KAT2B: variants seen among roughly 807,000 people sequenced by gnomAD.
KAT2B encodes histone acetyltransferase KAT2B.
In KAT2B, 36 loss-of-function variants were observed where a neutral mutation model predicts 105.9. That is an observed-to-expected ratio of 0.34 (90% CI 0.26 to 0.45). The LOEUF (loss-of-function observed/expected upper bound fraction) is 0.45. Among genes scored for constraint, KAT2B ranks in the 20% least tolerant of loss-of-function variants. The pLI is 1.00. For missense variants in KAT2B, 820 were observed against 1,021.6 expected (o/e 0.80, Z 2.69); for synonymous variants, 397 against 377.9 (o/e 1.05, Z -0.59).
chr3:20,100,187 G>A (rs911136580), intron 4 of KAT2B, among the ~76,000 whole-genome samples: 2 of 152,114 alleles, frequency 1.3e-5, no homozygotes, highest in African/African-American at 2.4e-5. Context: ...CTGTGTGTTT[G>A]GGGAAGAAAA....
At chr3:20,078,181 A>AAAAT (rs1323987537) in intron 2 of KAT2B, among the ~76,000 whole-genome samples, 2,422 of 151,704 alleles carry the variant, frequency 0.016, 61 homozygotes, top group African/African-American at 0.054. Flanking sequence ...CCCTGTCTCA[A>AAAAT]AAATAAATAA....
Position 20,100,689 on chromosome 3 carries a change from C to T in KAT2B, c.670-598C>T, listed in dbSNP as rs569997486. The stretch of plus-strand genomic sequence containing the variant: ...CTCTATTAAATAAGAATTCATTGCT[C>T]TTTTATTTGAAATTAGATGAGATGG... On this transcript the variant is annotated intron_variant, in intron 4 of 17. Transcript: ENST00000263754. 2.0e-5 allele frequency among the ~76,000 whole-genome samples: 3 copies of T among 152,082 alleles called. No individual in the cohort carries two copies. In the South Asian group the frequency reaches 6.2e-4, roughly 32 times the overall value.
chr3:20,119,642 A>C lies in KAT2B; in HGVS notation c.1195A>C (p.Thr399Pro), dbSNP rs1372684831. ...GGCTGGGACAATTTCATACAATTCA[A>C]CCTCATCTTCCCTTGAGCAGCCAAA... ...PVAGTISYNS[T>P]SSSLEQPNAG... The change falls in exon 8 of 18, where the codon ACC becomes CCC. Residue 399 changes from threonine to proline, a missense_variant. This residue lies in a region of KAT2B where 225 missense variants were observed against 268.1 expected (regional missense o/e 0.84). Transcript: ENST00000263754. 1 of 1,614,024 alleles carries C rather than the reference A, an allele frequency of 6.2e-7. No individual in the cohort carries two copies. Among genetic ancestry groups the C allele is most frequent in the Non-Finnish European group, 8.5e-7 (1 of 1,179,964 alleles).
intron 1 of KAT2B, among the ~76,000 whole-genome samples, chr3:20,066,294 TTTTAGGGC>T (rs1187113349): frequency 6.6e-6 from 1 of 152,204 alleles, no homozygotes; most frequent in Non-Finnish European, 1.5e-5. Context: ...CAGTCATTGG[TTTTAGGGC>T]TTAGGATAAT....
chr3:20,148,358 C>T, intron 16 of KAT2B, 45 bp from the exon 17 acceptor site: 1 of 1,607,346 alleles, frequency 6.2e-7, no homozygotes, highest in East Asian at 2.2e-5. Flanking sequence ...TGATTTCCCA[C>T]ATGGAATTTC....
At chr3:20,138,181 T>G (rs888700366) in intron 12 of KAT2B, among the ~76,000 whole-genome samples, 92 of 152,262 alleles carry the variant, frequency 6.0e-4, no homozygotes, top group African/African-American at 2.1e-3. Context: ...CCCAAGAAAT[T>G]TACTGTTAAT....
intron 1 of KAT2B, among the ~76,000 whole-genome samples, chr3:20,065,321 T>C (rs945598759): frequency 9.2e-5 from 14 of 152,274 alleles, no homozygotes; most frequent in African/African-American, 3.1e-4. Context: ...AGGTTGTCCT[T>C]CAGCTGGTAC....
In KAT2B at chr3:20,150,349, G is replaced by T. The variant is rs566101763; in HGVS notation, c.2305+1862G>T. On this transcript the variant is annotated intron_variant, in intron 17 of 17. Coordinates refer to ENST00000263754, the MANE Select transcript of KAT2B (RefSeq NM_003884.5). Reference sequence around the variant, plus strand: ...ACATTTTCCCACGATTTCCTTATTTGATTTTTCTAATAACATTACTTTTCT... The same window carrying T: ...ACATTTTCCCACGATTTCCTTATTTTATTTTTCTAATAACATTACTTTTCT... Among the ~76,000 whole-genome samples the T allele has an allele frequency of 5.8e-4, 89 of 152,196 alleles. 1 individual carries two copies. Among genetic ancestry groups the T allele is most frequent in the African/African-American group, 2.1e-3 (89 of 41,526 alleles).
intron 1 of KAT2B, among the ~76,000 whole-genome samples, chr3:20,051,270 G>A (rs975521698): frequency 6.6e-6 from 1 of 151,622 alleles, no homozygotes; most frequent in African/African-American, 2.4e-5. Context: ...ATGTAGATAA[G>A]GAATATGAAA....
At chr3:20,122,622 G>A (rs373253108) in intron 8 of KAT2B, 46 bp from the exon 9 acceptor site, 228 of 1,486,500 alleles carry the variant, frequency 1.5e-4, no homozygotes, top group Non-Finnish European at 2.0e-4. Flanking sequence ...TATTTGTTTT[G>A]TGTTTAGAAC....
chr3:20,152,685 G>T lies in KAT2B; in HGVS notation c.*160G>T. On this transcript the variant is annotated 3_prime_UTR_variant, in exon 18 of 18. Coordinates refer to ENST00000263754, the MANE Select transcript of KAT2B (RefSeq NM_003884.5). ...CAAAAAACCTCCTTTTAGCTTTTCA[G>T]ATATGTATTTAAATTGAAGTCATAG... 1 of 521,546 alleles carries T rather than the reference G, an allele frequency of 1.9e-6. No homozygotes were observed. Among genetic ancestry groups the T allele is most frequent in the Non-Finnish European group, 3.4e-6 (1 of 295,762 alleles). 32.3% of individuals were successfully genotyped at this position (521,546 alleles called of 1,614,324 possible).
intron 1 of KAT2B, among the ~76,000 whole-genome samples, chr3:20,067,375 T>A (rs1180960415): frequency 6.6e-6 from 1 of 152,034 alleles, no homozygotes; most frequent in Non-Finnish European, 1.5e-5. Context: ...TTATTACAGA[T>A]CTCCCTGCCA....
At chr3:20,085,566 A>G (rs1698598858) in intron 2 of KAT2B, among the ~76,000 whole-genome samples, 1 of 144,730 alleles carries the variant, frequency 6.9e-6, no homozygotes, top group South Asian at 2.1e-4. Flanking sequence ...GCTGGAGTGC[A>G]GTGGTGCAAT....
chr3:20,088,071 C>T (rs573318127), intron 2 of KAT2B, among the ~76,000 whole-genome samples: 62 of 152,270 alleles, frequency 4.1e-4, no homozygotes, highest in African/African-American at 1.3e-3. Flanking sequence ...AGCCACTGTG[C>T]CTGGCCATTT....
At chr3:20,117,662 C>T (rs1404112472) in intron 7 of KAT2B, among the ~76,000 whole-genome samples, 2 of 152,152 alleles carry the variant, frequency 1.3e-5, no homozygotes, top group Non-Finnish European at 2.9e-5. Context: ...GCCTTCTTGG[C>T]TGCTGGGAAT....
intron 7 of KAT2B, among the ~76,000 whole-genome samples, chr3:20,118,622 C>T (rs1380791300): frequency 6.8e-6 from 1 of 147,604 alleles, no homozygotes; most frequent in Non-Finnish European, 1.5e-5. Context: ...ACTCGGGAGG[C>T]TGAGGCAGGA....
rs1699911653 is a variant in KAT2B, at chr3:20,154,128, T to A, written c.*1603T>A. ...TTTGTACCGGATCTGCTGAAGCATC[T>A]GTCCAGCTGGTATCCTGTGAAAGTT... On this transcript the variant is annotated 3_prime_UTR_variant, in exon 18 of 18. Transcript: ENST00000263754. The A allele has an allele frequency of 6.5e-6, 1 of 152,672 alleles. No individual in the cohort carries two copies. Among genetic ancestry groups the A allele is most frequent in the South Asian group, 2.1e-4 (1 of 4,836 alleles). 9.5% of individuals were successfully genotyped at this position (152,672 alleles called of 1,614,324 possible).
intron 11 of KAT2B, among the ~76,000 whole-genome samples, chr3:20,133,390 C>A (rs1699544871): frequency 6.6e-6 from 1 of 150,878 alleles, no homozygotes; most frequent in South Asian, 2.1e-4. Context: ...ATATTTACAT[C>A]CTTGGTTACT....
At chr3:20,105,501 T>C (rs995759409) in intron 5 of KAT2B, among the ~76,000 whole-genome samples, 2 of 152,140 alleles carry the variant, frequency 1.3e-5, no homozygotes, top group Non-Finnish European at 2.9e-5. Context: ...AGTGGCTGTG[T>C]GCAGTAGCTG....
Sources: gnomAD v4.1 joint callset for allele counts (sites outside exome capture counted in the v4.1 genomes callset) on GRCh38, gnomAD v4.1.1 for gene constraint, gnomAD v4.1.1 regional missense constraint, MANE v1.5 for transcripts, NCBI Gene and HGNC (gene_info 2026-07-23, HGNC 2026-07-21) for gene names.